Variants in STAG1 observed in about 807,000 individuals in gnomAD.
STAG1 encodes the protein cohesin subunit SA-1.
A neutral mutation model predicts 170.9 loss-of-function variants in STAG1; 26 were observed. The ratio of observed to expected loss-of-function variants is 0.15; its 90% CI spans 0.11 to 0.21. The LOEUF (loss-of-function observed/expected upper bound fraction) is 0.21. STAG1 is among the 10% of genes least tolerant of loss of function. The probability of loss-of-function intolerance (pLI) is 1.00; values close to 1 mark genes in which losing one functional copy is unlikely to be tolerated. For missense variants in STAG1, 964 were observed against 1,509.5 expected, an observed-to-expected ratio of 0.64 and a Z score of 5.99; for synonymous variants, 514 against 497.7, an observed-to-expected ratio of 1.03 and a Z score of -0.44.
intron 1 of STAG1, among the ~76,000 whole-genome samples, chr3:136,681,536 T>C (rs766425332): frequency 2.0e-5 from 3 of 152,176 alleles, no homozygotes; most frequent in Admixed American, 1.3e-4. Context: ...TACCAGGCTA[T>C]ATAAAGTATC....
At chr3:136,426,009 T>C (rs1457316852) in intron 16 of STAG1, among the ~76,000 whole-genome samples, 3 of 151,460 alleles carry the variant, frequency 2.0e-5, no homozygotes, top group Admixed American at 6.6e-5. Context: ...CCTTGTACAT[T>C]TGTCCCTTGA....
At chr3:136,703,802 G>A (rs1198756570) in intron 1 of STAG1, among the ~76,000 whole-genome samples, 8 of 152,012 alleles carry the variant, frequency 5.3e-5, no homozygotes, top group Non-Finnish European at 8.8e-5. Flanking sequence ...CTGAGGGCAG[G>A]AGTTCAAGAC....
chr3:136,596,549 T>A (rs1364375982), intron 4 of STAG1, among the ~76,000 whole-genome samples: 1 of 152,200 alleles, frequency 6.6e-6, no homozygotes, highest in Non-Finnish European at 1.5e-5. Context: ...GGTATACCTA[T>A]ATATCATATA....
At chr3:136,676,767 ATTT>A (rs552071927) in intron 1 of STAG1, among the ~76,000 whole-genome samples, 1 of 150,928 alleles carries the variant, frequency 6.6e-6, no homozygotes, top group Non-Finnish European at 1.5e-5. Context: ...TTGTTCTATA[ATTT>A]TTTTTCTATT....
intron 1 of STAG1, among the ~76,000 whole-genome samples, chr3:136,645,697 T>C (rs532367600): frequency 2.0e-5 from 3 of 152,232 alleles, no homozygotes; most frequent in Non-Finnish European, 4.4e-5. Context: ...GGAACATAGC[T>C]GAAAACTCAG....
At chr3:136,698,595 A>G (rs1294912712) in intron 1 of STAG1, among the ~76,000 whole-genome samples, 1 of 152,206 alleles carries the variant, frequency 6.6e-6, no homozygotes, top group Non-Finnish European at 1.5e-5. Flanking sequence ...GAGATTACTT[A>G]AACAAAAGTA....
intron 1 of STAG1, among the ~76,000 whole-genome samples, chr3:136,712,055 G>C (rs1943397436): frequency 6.6e-6 from 1 of 152,160 alleles, no homozygotes. Context: ...CTCTTGCTCT[G>C]TCGCCAGGCT....
intron 4 of STAG1, among the ~76,000 whole-genome samples, chr3:136,579,005 C>T (rs529122669): frequency 2.0e-5 from 3 of 152,176 alleles, no homozygotes; most frequent in Non-Finnish European, 4.4e-5. Context: ...TGGGAAATTG[C>T]AGAGTTTAAT....
chr3:136,522,539 C>CT (rs963189317), intron 6 of STAG1, among the ~76,000 whole-genome samples: 3 of 149,836 alleles, frequency 2.0e-5, no homozygotes, highest in Non-Finnish European at 3.0e-5. Context: ...TTGTTTTTTT[C>CT]TTTTTTTGCT....
intron 1 of STAG1, among the ~76,000 whole-genome samples, chr3:136,661,049 A>C (rs1231021086): frequency 1.3e-5 from 2 of 152,206 alleles, no homozygotes; most frequent in East Asian, 3.9e-4. Flanking sequence ...ATGTATAACA[A>C]GGATGAAAAA....
At chr3:136,714,589 G>A (rs1057013010) in intron 1 of STAG1, among the ~76,000 whole-genome samples, 13 of 152,014 alleles carry the variant, frequency 8.6e-5, no homozygotes, top group South Asian at 2.1e-4. Flanking sequence ...TTAGCCGGGC[G>A]TGGTGGCGGG....
At chr3:136,491,207 T>C (rs1056472127) in intron 9 of STAG1, among the ~76,000 whole-genome samples, 1 of 152,134 alleles carries the variant, frequency 6.6e-6, no homozygotes, top group Non-Finnish European at 1.5e-5. Flanking sequence ...ACCCTGGAAC[T>C]CCTGGGCTCA....
intron 1 of STAG1, among the ~76,000 whole-genome samples, chr3:136,687,120 T>C (rs1942554118): frequency 6.6e-6 from 1 of 152,206 alleles, no homozygotes; most frequent in African/African-American, 2.4e-5. Flanking sequence ...TCCAGAAATA[T>C]CTCAAACCAC....
At chr3:136,500,149 T>C (rs1041870267) in intron 9 of STAG1, 74 bp downstream of exon 9, 1 of 979,762 alleles carries the variant, frequency 1.0e-6, no homozygotes, top group Non-Finnish European at 1.5e-6. Context: ...AGTTTTACAG[T>C]TAGCCTGGGC....
At chr3:136,417,295 A>G (rs1307607697) in intron 21 of STAG1, among the ~76,000 whole-genome samples, 1 of 152,216 alleles carries the variant, frequency 6.6e-6, no homozygotes, top group Non-Finnish European at 1.5e-5. Context: ...AATGATGGAG[A>G]TGATATTTTG....
chr3:136,432,977 G>GTT (rs1030053783), intron 16 of STAG1, among the ~76,000 whole-genome samples: 1 of 148,540 alleles, frequency 6.7e-6, no homozygotes, highest in African/African-American at 2.5e-5. Context: ...CCCAATGTGT[G>GTT]TTTTTTTTTT....
chr3:136,614,734 T>C (rs999542653), intron 3 of STAG1, among the ~76,000 whole-genome samples: 1 of 152,230 alleles, frequency 6.6e-6, no homozygotes, highest in Non-Finnish European at 1.5e-5. Flanking sequence ...TCCAAAGCTC[T>C]AGAATAGGTT....
intron 4 of STAG1, among the ~76,000 whole-genome samples, chr3:136,577,853 ACTT>A (rs1422284446): frequency 1.6e-4 from 25 of 152,232 alleles, no homozygotes; most frequent in African/African-American, 5.8e-4. Context: ...TATCAGGCGC[ACTT>A]ACTAGAGATT....
chr3:136,520,666 G>C (rs1934625797), intron 7 of STAG1, among the ~76,000 whole-genome samples: 1 of 152,056 alleles, frequency 6.6e-6, no homozygotes, highest in Admixed American at 6.6e-5. Flanking sequence ...AAACTAATCT[G>C]TTAGTTCTTC....
Sources: gnomAD v4.1 joint callset for allele counts (sites outside exome capture counted in the v4.1 genomes callset) on GRCh38, gnomAD v4.1.1 for gene constraint, MANE v1.5 for transcripts, NCBI Gene and HGNC (gene_info 2026-07-23, HGNC 2026-07-21) for gene names.